FSHR: variants seen among roughly 807,000 people sequenced by gnomAD.
The protein encoded by FSHR is follicle stimulating hormone receptor.
A neutral mutation model predicts 52.1 loss-of-function variants in FSHR; 46 were observed. The observed-to-expected ratio is 0.88, with a 90% CI of 0.70 to 1.13. The LOEUF is 1.13. Among genes scored for constraint, FSHR ranks in the 50% most tolerant of loss-of-function variants. FSHR has a pLI of 0.00. For missense variants in FSHR, 964 were observed against 834.6 expected, an observed-to-expected ratio of 1.16 and a Z score of -1.91; for synonymous variants, 399 against 309.6, an observed-to-expected ratio of 1.29 and a Z score of -3.03.
chr2:49,101,127 A>T (rs1039135459), intron 1 of FSHR, among the ~76,000 whole-genome samples: 2 of 152,190 alleles, frequency 1.3e-5, no homozygotes, highest in African/African-American at 2.4e-5. Flanking sequence ...ATTGCACTGT[A>T]TTGAGGAAAG....
At chr2:49,067,037 G>C (rs978743462) in intron 2 of FSHR, among the ~76,000 whole-genome samples, 1 of 152,028 alleles carries the variant, frequency 6.6e-6, no homozygotes, top group East Asian at 1.9e-4. Flanking sequence ...GGTAAACCCG[G>C]AAGATTACAG....
chr2:49,107,154 C>T (rs1362952486), intron 1 of FSHR, among the ~76,000 whole-genome samples: 2 of 152,128 alleles, frequency 1.3e-5, no homozygotes, highest in Non-Finnish European at 2.9e-5. Flanking sequence ...AGCCCCTAGT[C>T]CTGTCTTCTG....
At chr2:49,011,696 C>T (rs1057450321) in intron 4 of FSHR, among the ~76,000 whole-genome samples, 9 of 151,936 alleles carry the variant, frequency 5.9e-5, no homozygotes, top group African/African-American at 1.5e-4. Flanking sequence ...AAAGTTAAGC[C>T]GATTATACAA....
At position 49,135,512 on chromosome 2, in the gene FSHR, A is replaced by T. The variant is rs1474061162; in HGVS notation, c.152+18754T>A. Among the ~76,000 whole-genome samples the T allele has an allele frequency of 2.6e-5, 4 of 152,176 alleles. No individual in the cohort carries two copies. In the South Asian group the frequency reaches 8.3e-4, roughly 31 times the overall value. On this transcript the variant is annotated intron_variant, in intron 1 of 9. Transcript: ENST00000406846. ...CTATAAATAGCTGTATTTGAAAAAA[A>T]TATTTCAAATTAATAACCCAACCTT...
At chr2:49,021,886 T>TATATATAGAGAGAGAGAGAGAGAG (rs1273265515) in intron 2 of FSHR, among the ~76,000 whole-genome samples, 1 of 25,124 alleles carries the variant, frequency 4.0e-5, no homozygotes, top group African/African-American at 1.5e-4. Flanking sequence ...TATATATATA[T>TATATATAGAGAGAGAGAGAGAGAG]AGAGAGAGAG....
intron 2 of FSHR, among the ~76,000 whole-genome samples, chr2:49,052,327 T>C (rs1668890701): frequency 6.6e-6 from 1 of 152,160 alleles, no homozygotes. Context: ...TCCTCTTTGT[T>C]TTATTCTTCT....
intron 1 of FSHR, among the ~76,000 whole-genome samples, chr2:49,083,356 G>A (rs1024003404): frequency 4.0e-5 from 6 of 151,242 alleles, no homozygotes; most frequent in African/African-American, 1.5e-4. Flanking sequence ...CGCTAAACAT[G>A]GAAAGGAACA....
chr2:49,145,532 A>C (rs572316450), intron 1 of FSHR, among the ~76,000 whole-genome samples: 1 of 152,242 alleles, frequency 6.6e-6, no homozygotes, highest in African/African-American at 2.4e-5. Context: ...GGCATCAGGC[A>C]GGCAGGTATC....
At position 49,109,129 on chromosome 2, in the gene FSHR, G is replaced by T. The variant is rs867810121; in HGVS notation, c.153-40839C>A. Among the ~76,000 whole-genome samples, 3 of 152,168 alleles carry T rather than the reference G, an allele frequency of 2.0e-5. No homozygotes were observed. In the South Asian group the frequency reaches 6.2e-4, roughly 31 times the overall value. On this transcript the variant is annotated intron_variant, in intron 1 of 9. Transcript: ENST00000406846. ...TGGAGATCTCCACAGATAAATTTGA[G>T]TATATTTGGCTGTGCATAAAAGGAT...
At chr2:49,142,568 T>C (rs1351959725) in intron 1 of FSHR, among the ~76,000 whole-genome samples, 1 of 152,232 alleles carries the variant, frequency 6.6e-6, no homozygotes, top group Non-Finnish European at 1.5e-5. Flanking sequence ...GTGCCTGTCA[T>C]AGTAGGCAGT....
At chr2:49,098,085 C>T (rs1334619947) in intron 1 of FSHR, among the ~76,000 whole-genome samples, 1 of 151,960 alleles carries the variant, frequency 6.6e-6, no homozygotes, top group Non-Finnish European at 1.5e-5. Context: ...TAAAGATTAT[C>T]CCAAATAATT....
intron 1 of FSHR, among the ~76,000 whole-genome samples, chr2:49,104,405 A>C (rs917144155): frequency 6.6e-6 from 1 of 152,122 alleles, no homozygotes; most frequent in African/African-American, 2.4e-5. Flanking sequence ...TTGTTCGGTC[A>C]GAGTTCAAAA....
intron 1 of FSHR, among the ~76,000 whole-genome samples, chr2:49,143,544 GT>G (rs1672765338): frequency 6.6e-6 from 1 of 152,108 alleles, no homozygotes; most frequent in African/African-American, 2.4e-5. Flanking sequence ...GAATTCCTGG[GT>G]AGAAATGGCA....
intron 2 of FSHR, among the ~76,000 whole-genome samples, chr2:49,047,892 T>C (rs1428639731): frequency 6.6e-6 from 1 of 152,146 alleles, no homozygotes; most frequent in African/African-American, 2.4e-5. Flanking sequence ...TTATTATTAT[T>C]TTTTGAGATG....
At chr2:49,091,100 A>G (rs1422819116) in intron 1 of FSHR, among the ~76,000 whole-genome samples, 1 of 151,550 alleles carries the variant, frequency 6.6e-6, no homozygotes, top group Non-Finnish European at 1.5e-5. Context: ...ACATAGAACA[A>G]AAGTTTTACA....
intron 4 of FSHR, among the ~76,000 whole-genome samples, chr2:49,011,280 T>C (rs895419983): frequency 6.6e-6 from 1 of 152,128 alleles, no homozygotes; most frequent in Non-Finnish European, 1.5e-5. Flanking sequence ...CTTCATTTCA[T>C]TATGTACCCA....
chr2:48,990,765 A>G, intron 4 of FSHR, 128 bp from the exon 5 acceptor site: 1 of 708,454 alleles, frequency 1.4e-6, no homozygotes, highest in Non-Finnish European at 2.6e-6. Context: ...AAAAGCCCGT[A>G]TATACGTGAA....
At chr2:49,143,116 A>G (rs967827604) in intron 1 of FSHR, among the ~76,000 whole-genome samples, 2 of 152,186 alleles carry the variant, frequency 1.3e-5, no homozygotes, top group African/African-American at 4.8e-5. Flanking sequence ...ATACAGAGAG[A>G]ACAGATGCAC....
chr2:48,998,281 G>T (rs1207006326), intron 4 of FSHR, among the ~76,000 whole-genome samples: 1 of 151,742 alleles, frequency 6.6e-6, no homozygotes, highest in Non-Finnish European at 1.5e-5. Context: ...GAGGAGGAAG[G>T]CAACAGGATT....
Sources: allele counts gnomAD v4.1 joint callset (sites outside exome capture counted in the v4.1 genomes callset), GRCh38; gene constraint gnomAD v4.1.1; transcripts MANE v1.5; gene names NCBI Gene and HGNC (gene_info 2026-07-23, HGNC 2026-07-21).